POR: variants seen among roughly 807,000 people sequenced by gnomAD.
POR encodes cytochrome p450 oxidoreductase.
A neutral mutation model predicts 84.0 loss-of-function variants in POR; 56 were observed. The ratio of observed to expected loss-of-function variants is 0.67; its 90% CI spans 0.54 to 0.83. POR has a LOEUF of 0.83. Ranked by LOEUF, POR falls within the 40% of genes least tolerant of loss-of-function variation. The probability of loss-of-function intolerance (pLI) is 0.00; values close to 1 mark genes in which losing one functional copy is unlikely to be tolerated. For missense variants in POR, 938 were observed against 944.3 expected (o/e 0.99, Z 0.09); for synonymous variants, 414 against 400.5 (o/e 1.03, Z -0.40).
intron 3 of POR, among the ~76,000 whole-genome samples, chr7:75,978,126 C>G (rs550423349): frequency 6.6e-6 from 1 of 152,142 alleles, no homozygotes; most frequent in African/African-American, 2.4e-5. Flanking sequence ...TTTAGGGACC[C>G]TCGGTATATT....
At chr7:75,957,185 G>A (rs1238485120) in intron 2 of POR, among the ~76,000 whole-genome samples, 6 of 152,178 alleles carry the variant, frequency 3.9e-5, no homozygotes, top group African/African-American at 1.4e-4. Flanking sequence ...GGAGAGACAG[G>A]CTCCGCCAGC....
At chr7:75,919,378 C>CGTGTGTGTGTGTGT (rs1458787395) in intron 1 of POR, among the ~76,000 whole-genome samples, 87 of 136,256 alleles carry the variant, frequency 6.4e-4, no homozygotes, top group Middle Eastern at 3.8e-3. Context: ...TGCATCTGTG[C>CGTGTGTGTGTGTGT]GTGCGTGTGT....
intron 2 of POR, among the ~76,000 whole-genome samples, 169 bp downstream of exon 2, chr7:75,954,349 A>G (rs1482085503): frequency 6.6e-6 from 1 of 151,718 alleles, no homozygotes; most frequent in African/African-American, 2.4e-5. Context: ...TCCCTTAATC[A>G]TCTCTTATGT....
chr7:75,932,741 C>T (rs914852037), intron 1 of POR, among the ~76,000 whole-genome samples: 11 of 151,806 alleles, frequency 7.2e-5, no homozygotes, highest in Non-Finnish European at 1.2e-4. Context: ...AAAACATGGG[C>T]GGGCACGGTG....
chr7:75,936,116 T>C (rs1250551576), intron 1 of POR, among the ~76,000 whole-genome samples: 2 of 138,546 alleles, frequency 1.4e-5, no homozygotes, highest in African/African-American at 5.6e-5. Context: ...TTTTGAGAGA[T>C]GGTCTCGCTC....
chr7:75,946,946 CTG>C lies in POR; in HGVS notation c.-4-7040_-4-7039del, dbSNP rs1183889243. On this transcript the variant is annotated intron_variant, in intron 1 of 15. Transcript: ENST00000461988. ...TGGCATAGCAGAGGTGGCTCCCAAA[CTG>C]TGCCAGGGCACTGCAGCAAACTCAC... 2.0e-5 allele frequency: 3 copies of C among 152,332 alleles called. No individual in the cohort carries two copies. The South Asian group carries it at 6.2e-4, about 32-fold the overall frequency. 9.4% of individuals were successfully genotyped at this position (152,332 alleles called of 1,614,324 possible).
chr7:75,923,421 A>G (rs782732473), intron 1 of POR: 6 of 635,644 alleles, frequency 9.4e-6, no homozygotes, highest in Admixed American at 2.4e-5. Flanking sequence ...GTGTGCATCA[A>G]TCAGCTCATC....
intron 1 of POR, among the ~76,000 whole-genome samples, chr7:75,919,003 G>GT (rs36120501): frequency 0.22 from 31,486 of 142,064 alleles, 5,404 homozygotes; most frequent in African/African-American, 0.48. Context: ...AGTGTTGTGT[G>GT]TTTTTTTTTT....
rs934096971 is a variant in POR, at chr7:75,981,980, G to A, written c.732-244G>A. 1.8e-5 allele frequency: 10 copies of A among 565,112 alleles called. No homozygotes were observed. In the African/African-American group the frequency reaches 1.9e-4, roughly 11 times the overall value. The allele number at this position is 565,112 out of a possible 1,614,324, so 35.0% of individuals were successfully genotyped here. A position where few individuals can be genotyped will look rare whatever the true frequency, so the allele number is the denominator to read the frequency against. On this transcript the variant is annotated intron_variant, in intron 7 of 15. Transcript: ENST00000461988. ...GGGCTTCCTTACCTTCTCCCAGATGGAAGCCTGCCCAGCCCTGCCCCGGCT... is the reference window on the plus strand; with the variant it reads ...GGGCTTCCTTACCTTCTCCCAGATGAAAGCCTGCCCAGCCCTGCCCCGGCT...
At chr7:75,979,300 A>C in intron 3 of POR, 151 bp from the exon 4 acceptor site, 1 of 900,192 alleles carries the variant, frequency 1.1e-6, no homozygotes, top group Admixed American at 2.8e-5. Context: ...AGTGAGAAGC[A>C]AGTCCCAGAG....
At position 75,985,761 on chromosome 7, in the gene POR, C is replaced by T. The variant is rs367827030; in HGVS notation, c.1581C>T (p.Ala527=). The stretch of plus-strand genomic sequence containing the variant: ...CCCAGTTCCGCCTGCCCTTCAAGGC[C>T]ACCACGCCTGTCATCATGGTGGGCC... Residue 527 remains alanine (A), a synonymous_variant, in exon 13 of 16, where the codon GCC becomes GCT. Transcript: ENST00000461988. 3.8e-6 allele frequency: 6 copies of T among 1,580,396 alleles called. No individual in the cohort carries two copies. Among genetic ancestry groups the T allele is most frequent in the Non-Finnish European group, 4.3e-6 (5 of 1,164,498 alleles).
chr7:75,916,772 A>G lies in POR; in HGVS notation c.-5+1593A>G, dbSNP rs115777125. Among the ~76,000 whole-genome samples the G allele has an allele frequency of 7.4e-3, 1,133 of 152,294 alleles. 12 individuals carry two copies. Among genetic ancestry groups the G allele is most frequent in the African/African-American group, 0.026 (1,076 of 41,548 alleles). The stretch of plus-strand genomic sequence containing the variant: ...ATGAAACAACCCAGGGATATTCCTG[A>G]AAACAGCAGCATTGACCGCAGCCAA... On this transcript the variant is annotated intron_variant, in intron 1 of 15. Transcript: ENST00000461988.
chr7:75,920,791 G>C (rs1287397842), intron 1 of POR, among the ~76,000 whole-genome samples: 1 of 152,130 alleles, frequency 6.6e-6, no homozygotes, highest in African/African-American at 2.4e-5. Context: ...GAACTCATAT[G>C]TAGTGACCAT....
chr7:75,971,388 G>T (rs10272774), intron 2 of POR, among the ~76,000 whole-genome samples: 1 of 152,042 alleles, frequency 6.6e-6, no homozygotes, highest in Non-Finnish European at 1.5e-5. Context: ...TTCAGCCAGC[G>T]TTTTTCACCT....
At chr7:75,977,165 T>C (rs1466875143) in intron 3 of POR, among the ~76,000 whole-genome samples, 1 of 152,142 alleles carries the variant, frequency 6.6e-6, no homozygotes, top group African/African-American at 2.4e-5. Flanking sequence ...GTAAGTTTTA[T>C]TTTGTATGAG....
chr7:75,980,936 G>GGT (rs1368618165), intron 5 of POR, 112 bp from the exon 6 acceptor site: 6 of 1,320,566 alleles, frequency 4.5e-6, no homozygotes, highest in South Asian at 1.5e-5. Flanking sequence ...GAGGCCTGCA[G>GGT]GTGTTGCCAG....
Position 75,981,190 on chromosome 7 carries a change from C to T in POR, c.641+18C>T, listed in dbSNP as rs1554557786. The T allele has an allele frequency of 2.0e-6, 3 of 1,526,408 alleles. No individual in the cohort carries two copies. The highest frequency in any genetic ancestry group is 2.6e-6 in the Non-Finnish European group (3 of 1,132,332). 94.6% of individuals were successfully genotyped at this position (1,526,408 alleles called of 1,614,324 possible). ...GATGGGAAGTGAGTGCCCACCCTGC[C>T]ACCATGATCAGCGCGGCGGGCTTAG... On this transcript the variant is annotated intron_variant, in intron 6 of 15. Coordinates refer to ENST00000461988, the MANE Select transcript of POR (RefSeq NM_000941.3).
At chr7:75,969,115 G>A (rs185878645) in intron 2 of POR, among the ~76,000 whole-genome samples, 2 of 152,328 alleles carry the variant, frequency 1.3e-5, no homozygotes, top group East Asian at 1.9e-4. Context: ...TCCCTGTGGC[G>A]TGAACTGTGC....
chr7:75,986,817 A>G lies in POR; in HGVS notation c.*336A>G, dbSNP rs1585137411. 3 of 573,044 alleles carry G rather than the reference A, an allele frequency of 5.2e-6. No homozygotes were observed. Among genetic ancestry groups the G allele is most frequent in the Non-Finnish European group, 6.1e-6 (2 of 325,294 alleles). The allele number at this position is 573,044 out of a possible 1,614,324, so 35.5% of individuals were successfully genotyped here. A position where few individuals can be genotyped will look rare whatever the true frequency, so the allele number is the denominator to read the frequency against. On this transcript the variant is annotated 3_prime_UTR_variant, in exon 16 of 16. Transcript: ENST00000461988. ...TTCCAGTGAGTGTAAATAATTTTAA[A>G]TAACCTCTGGCCCTTGGAATAAAGT...
Sources: allele counts gnomAD v4.1 joint callset (sites outside exome capture counted in the v4.1 genomes callset), GRCh38; gene constraint gnomAD v4.1.1; transcripts MANE v1.5; gene names NCBI Gene and HGNC (gene_info 2026-07-23, HGNC 2026-07-21).